Variants in NBPF3 observed in about 807,000 individuals in gnomAD.
NBPF3 encodes NBPF member 3.
Under a neutral mutation model 78.1 loss-of-function variants are expected in NBPF3, and 57 were observed. The ratio of observed to expected loss-of-function variants is 0.73; its 90% CI spans 0.59 to 0.91. The LOEUF (loss-of-function observed/expected upper bound fraction) is 0.91. NBPF3 is among the 40% of genes least tolerant of loss of function. NBPF3 has a pLI of 0.00. For missense variants in NBPF3, 510 were observed against 715.3 expected, an observed-to-expected ratio of 0.71 and a Z score of 3.27; for synonymous variants, 182 against 271.7, an observed-to-expected ratio of 0.67 and a Z score of 3.25.
intron 2 of NBPF3, among the ~76,000 whole-genome samples, chr1:21,455,893 G>A (rs1412936552): frequency 6.6e-6 from 1 of 152,188 alleles, no homozygotes; most frequent in East Asian, 1.9e-4. Context: ...GGGAATGTAT[G>A]ATGGAGTTTC....
At chr1:21,449,818 A>G (rs1027770291) in intron 2 of NBPF3, 3 of 315,424 alleles carry the variant, frequency 9.5e-6, no homozygotes, top group African/African-American at 6.7e-5. Context: ...GTAAAGCCAC[A>G]CTCCTCGCAT....
intron 2 of NBPF3, among the ~76,000 whole-genome samples, chr1:21,449,517 G>C (rs1325202394): frequency 1.3e-5 from 2 of 151,214 alleles, no homozygotes; most frequent in Non-Finnish European, 2.9e-5. Context: ...TGTTCCTCAG[G>C]CTGGAATGTA....
intron 2 of NBPF3, among the ~76,000 whole-genome samples, chr1:21,458,276 T>G (rs1558485604): frequency 6.6e-6 from 1 of 152,160 alleles, no homozygotes; most frequent in Non-Finnish European, 1.5e-5. Flanking sequence ...GTCTTCGTTA[T>G]TTTGTCATGC....
Position 21,445,159 on chromosome 1 carries a change from G to T in NBPF3, c.73G>T (p.Gly25Cys). The T allele has an allele frequency of 6.2e-7, 1 of 1,611,830 alleles. No homozygotes were observed. The highest frequency in any genetic ancestry group is 1.3e-5 in the African/African-American group (1 of 74,898). Residue 25 changes from glycine to cysteine, a missense_variant, in exon 2 of 15, where the codon GGT becomes TGT. Around this residue, in one of 5 missense-constraint regions of NBPF3, gnomAD observed 440 missense variants for 478.2 expected, o/e 0.92. Transcript: ENST00000318249. The part of the protein sequence containing the change: ...RGPDVETSPF[G>C]APRAASHGVG... ...CCCTGATGTAGAAACTTCCCCATTC[G>T]GTGCACCAAGAGCAGCCTCACATGG... is the stretch of plus-strand genomic sequence containing the variant.
intron 2 of NBPF3, among the ~76,000 whole-genome samples, chr1:21,463,893 C>G (rs373130123): frequency 6.6e-6 from 1 of 152,140 alleles, no homozygotes; most frequent in South Asian, 2.1e-4. Context: ...TAAATTTAAA[C>G]CAAAATGAGA....
intron 8 of NBPF3, among the ~76,000 whole-genome samples, chr1:21,477,394 G>T (rs1642939923): frequency 6.6e-6 from 1 of 152,210 alleles, no homozygotes; most frequent in Non-Finnish European, 1.5e-5. Context: ...GCTCCAGTTT[G>T]TCCACATCTT....
Position 21,471,625 on chromosome 1 carries a change from A to G in NBPF3, c.503A>G (p.Lys168Arg). The part of the protein sequence containing the change: ...QERELTQLRE[K>R]LQEGRDASRS... ...CGAGAGCTGACCCAGTTAAGGGAGA[A>G]GTTACAGGAAGGGAGAGATGCCTCC... The change falls in exon 5 of 15, where the codon AAG becomes AGG. Residue 168 changes from lysine (K) to arginine (R), a missense_variant. By Grantham distance (26) the Lys-to-Arg change is conservative. This residue lies in a region of NBPF3 where 440 missense variants were observed against 478.2 expected (regional missense o/e 0.92). Coordinates refer to ENST00000318249, the MANE Select transcript of NBPF3 (RefSeq NM_032264.6). 6.2e-7 allele frequency: 1 copy of G among 1,612,580 alleles called. No homozygotes were observed. Among genetic ancestry groups the G allele is most frequent in the Middle Eastern group, 2.0e-4 (1 of 4,964 alleles).
intron 9 of NBPF3, 133 bp from the exon 10 acceptor site, chr1:21,479,216 A>G (rs886351035): frequency 2.9e-5 from 29 of 987,880 alleles, no homozygotes; most frequent in African/African-American, 1.1e-4. Context: ...GCCTCCTGGT[A>G]TATTTCTCTC....
chr1:21,461,631 T>G lies in NBPF3; in HGVS notation c.134-7057T>G, dbSNP rs529629914. Among the ~76,000 whole-genome samples, 372 of 152,200 alleles carry G rather than the reference T, an allele frequency of 2.4e-3. 1 individual carries two copies. The highest frequency in any genetic ancestry group is 8.6e-3 in the African/African-American group (359 of 41,516). ...CACCTGCCACCATGCCTGGCTAATT[T>G]TTTGTATTTTCAGTAGAGGCAGGGT... On this transcript the variant is annotated intron_variant, in intron 2 of 14. Coordinates refer to ENST00000318249, the MANE Select transcript of NBPF3 (RefSeq NM_032264.6).
At chr1:21,443,798 A>G (rs1640805259) in intron 1 of NBPF3, among the ~76,000 whole-genome samples, 1 of 151,978 alleles carries the variant, frequency 6.6e-6, no homozygotes. Context: ...CTTTTTGTAG[A>G]CAGGGTTTTC....
intron 4 of NBPF3, among the ~76,000 whole-genome samples, chr1:21,471,242 C>T (rs952163692): frequency 4.6e-5 from 7 of 152,078 alleles, no homozygotes; most frequent in South Asian, 2.1e-4. Flanking sequence ...TGTATATGCA[C>T]GTGGAAATGT....
rs546470903 is a variant in NBPF3, at chr1:21,476,609, C to T, written c.993-1535C>T. 3.3e-5 allele frequency among the ~76,000 whole-genome samples: 5 copies of T among 152,176 alleles called. No individual in the cohort carries two copies. Among genetic ancestry groups the T allele is most frequent in the Non-Finnish European group, 5.9e-5 (4 of 68,050 alleles). On this transcript the variant is annotated intron_variant, in intron 8 of 14. Transcript: ENST00000318249. This position sits in a 1 kb window ranked among gnomAD's most constrained non-coding sequence, Gnocchi z 4.1. ...TATGAATGTCGAATATTGGCCTCCA[C>T]TCTCTTCTGGCTTGTAGGGTTTCTG... is the stretch of plus-strand genomic sequence containing the variant.
At chr1:21,448,795 G>T (rs1413525806) in intron 2 of NBPF3, among the ~76,000 whole-genome samples, 1 of 152,178 alleles carries the variant, frequency 6.6e-6, no homozygotes, top group Non-Finnish European at 1.5e-5. Context: ...CTCCTTGTGT[G>T]TTAGCCTGTC....
chr1:21,467,355 C>T (rs1642332712), intron 2 of NBPF3: 1 of 985,600 alleles, frequency 1.0e-6, no homozygotes. Flanking sequence ...ACAGAACAGT[C>T]TCCCAAGTTC....
chr1:21,479,114 A>G (rs1447909200), intron 9 of NBPF3, among the ~76,000 whole-genome samples: 1 of 152,266 alleles, frequency 6.6e-6, no homozygotes, highest in Non-Finnish European at 1.5e-5. Flanking sequence ...CCTAGGACAG[A>G]GCACACTGGG....
chr1:21,442,801 A>G (rs1306398515), intron 1 of NBPF3, among the ~76,000 whole-genome samples: 1 of 152,054 alleles, frequency 6.6e-6, no homozygotes, highest in Admixed American at 6.6e-5. Flanking sequence ...AGCTGCGACT[A>G]TAGGCATGTG....
chr1:21,479,818 CTCTGTG>C (rs1448427611), intron 10 of NBPF3, among the ~76,000 whole-genome samples: 32 of 43,888 alleles, frequency 7.3e-4, no homozygotes, highest in African/African-American at 1.4e-3. Context: ...CTCTCTCTCT[CTCTGTG>C]TGTGTGTGTG....
rs1641914087 is a variant in NBPF3, at chr1:21,460,913, A to AT, written c.134-7774dup. Among the ~76,000 whole-genome samples, 1 of 152,226 alleles carries AT rather than the reference A, an allele frequency of 6.6e-6. No homozygotes were observed. Among genetic ancestry groups the AT allele is most frequent in the Non-Finnish European group, 1.5e-5 (1 of 68,036 alleles). On this transcript the variant is annotated intron_variant, in intron 2 of 14. Coordinates refer to ENST00000318249, the MANE Select transcript of NBPF3 (RefSeq NM_032264.6). This position sits in a 1 kb window ranked among gnomAD's most constrained non-coding sequence, Gnocchi z 4.2. ...CATTCAAAATATATAAAGAACTCCT[A>AT]TAGGTTACAAGAAAATGACAAACAC...
intron 2 of NBPF3, among the ~76,000 whole-genome samples, chr1:21,457,268 A>T (rs1241025972): frequency 6.6e-6 from 1 of 151,698 alleles, no homozygotes; most frequent in African/African-American, 2.4e-5. Context: ...AACAGGGAAC[A>T]TTAAGAGAAC....
Sources: allele counts gnomAD v4.1 joint callset (sites outside exome capture counted in the v4.1 genomes callset), GRCh38; gene constraint gnomAD v4.1.1; regional missense constraint gnomAD v4.1.1; non-coding constraint Gnocchi (gnomAD v3.1); transcripts MANE v1.5; gene names NCBI Gene and HGNC (gene_info 2026-07-23, HGNC 2026-07-21).